MED15: variants seen among roughly 807,000 people sequenced by gnomAD.
MED15 encodes mediator of RNA polymerase II transcription subunit 15.
In MED15, 41 loss-of-function variants were observed where a neutral mutation model predicts 118.7. The ratio of observed to expected loss-of-function variants is 0.35; its 90% confidence interval spans 0.27 to 0.45. MED15 has a LOEUF of 0.45. Ranked by LOEUF, MED15 falls within the 20% of genes least tolerant of loss-of-function variation. MED15 has a pLI of 1.00. For missense variants in MED15, 740 were observed against 1,025.5 expected (o/e 0.72, Z 3.80); for synonymous variants, 436 against 413.9 (o/e 1.05, Z -0.65).
At chr22:20,565,757 C>T (rs73159120) in intron 6 of MED15, among the ~76,000 whole-genome samples, 17,180 of 152,306 alleles carry the variant, frequency 0.11, 1,287 homozygotes, top group Non-Finnish European at 0.15. Flanking sequence ...AAGCAAGCAT[C>T]GTTGCAGAGG....
At chr22:20,519,437 G>GTT (rs367839665) in intron 1 of MED15, among the ~76,000 whole-genome samples, 89 of 140,084 alleles carry the variant, frequency 6.4e-4, no homozygotes, top group Middle Eastern at 3.9e-3. Context: ...TTTTGAGGGT[G>GTT]TTTTTTTTTT....
rs550547182 is a variant in MED15 at position 20,528,136 on chromosome 22, G to A, written c.69-8981G>A. 3.9e-5 allele frequency among the ~76,000 whole-genome samples: 6 copies of A among 151,946 alleles called. No individual in the cohort carries two copies. The East Asian group carries it at 7.7e-4, about 20-fold the overall frequency. On this transcript the variant is annotated intron_variant, in intron 1 of 17. Coordinates refer to ENST00000263205, the MANE Select transcript of MED15 (RefSeq NM_001003891.3). ...ACTCTTTTCTTGTGGGGTCTTTATT[G>A]GCCATGTTATGGCGTCTGGCTGCCC...
chr22:20,541,179 C>CA (rs1209245010), intron 2 of MED15, among the ~76,000 whole-genome samples: 1 of 152,086 alleles, frequency 6.6e-6, no homozygotes. Flanking sequence ...GTGGAGCTTG[C>CA]AGTGAGCCAA....
intron 2 of MED15, among the ~76,000 whole-genome samples, chr22:20,541,751 ACAATTACCCTGCCTCAGCCTC>A (rs1601528590): frequency 6.6e-6 from 1 of 151,932 alleles, no homozygotes; most frequent in East Asian, 1.9e-4. Context: ...CCAGGTTCAA[ACAATTACCCTGCCTCAGCCTC>A]CCAAGTAGCT....
intron 1 of MED15, chr22:20,523,592 C>A: frequency 1.5e-5 from 14 of 925,130 alleles, no homozygotes; most frequent in Non-Finnish European, 1.7e-5. Flanking sequence ...CCACCAAATA[C>A]CACAGAGCCA....
intron 9 of MED15, among the ~76,000 whole-genome samples, chr22:20,576,781 G>C (rs1209620830): frequency 1.3e-5 from 2 of 152,206 alleles, no homozygotes; most frequent in African/African-American, 4.8e-5. Flanking sequence ...CCTGGAGGCT[G>C]TGAGTTCCAC....
intron 1 of MED15, among the ~76,000 whole-genome samples, chr22:20,513,464 A>G (rs1246037993): frequency 2.6e-5 from 4 of 151,850 alleles, no homozygotes; most frequent in Admixed American, 2.6e-4. Flanking sequence ...TTTTTAGTAG[A>G]GACGGGGTTT....
At chr22:20,534,562 A>G (rs772581886) in intron 1 of MED15, among the ~76,000 whole-genome samples, 1 of 152,182 alleles carries the variant, frequency 6.6e-6, no homozygotes, top group Non-Finnish European at 1.5e-5. Context: ...GGTGGGAAGA[A>G]CAAGTATGCC....
rs533181390 is a variant in MED15 at position 20,585,509 on chromosome 22, G to A, written c.2132-219G>A. On this transcript the variant is annotated intron_variant, in intron 16 of 17. Coordinates refer to ENST00000263205, the MANE Select transcript of MED15 (RefSeq NM_001003891.3). ...CACAGATGTGGCTTTGCTTGCCTGG[G>A]CCCTAGGGAGGTGGTAGGCAGGACC... 91 of 697,602 alleles carry A rather than the reference G, an allele frequency of 1.3e-4. No homozygotes were observed. The East Asian group carries it at 2.4e-3, about 18-fold the overall frequency. The allele number at this position is 697,602 out of a possible 1,614,324, so 43.2% of individuals were successfully genotyped here. A position where few individuals can be genotyped will look rare whatever the true frequency, so the allele number is the denominator to read the frequency against.
rs756437326 is a variant in MED15, at chr22:20,586,608, C to T, written c.2271C>T (p.Thr757=). Residue 757 remains threonine, a synonymous_variant, in exon 18 of 18, where the codon ACC becomes ACT. Coordinates refer to ENST00000263205, the MANE Select transcript of MED15 (RefSeq NM_001003891.3). ...PFLQSVHRCM[T]SRLLQLPDKH... Reference sequence around the variant, plus strand: ...TCCAGTCGGTGCACCGCTGCATGACCTCCAGGCTGCTGCAGCTCCCGGACA... The same window carrying T: ...TCCAGTCGGTGCACCGCTGCATGACTTCCAGGCTGCTGCAGCTCCCGGACA... 6 of 1,613,084 alleles carry T rather than the reference C, an allele frequency of 3.7e-6. No individual in the cohort carries two copies. Among genetic ancestry groups the T allele is most frequent in the Non-Finnish European group, 5.1e-6 (6 of 1,179,966 alleles).
At chr22:20,581,101 T>C (rs1191892445) in intron 9 of MED15, among the ~76,000 whole-genome samples, 2 of 152,186 alleles carry the variant, frequency 1.3e-5, no homozygotes, top group Non-Finnish European at 1.5e-5. Flanking sequence ...CCTGTTGTGG[T>C]CACGCTCTGT....
rs540480509 is a variant in MED15 at position 20,529,206 on chromosome 22, G to T, written c.69-7911G>T. On this transcript the variant is annotated intron_variant, in intron 1 of 17. Coordinates refer to ENST00000263205, the MANE Select transcript of MED15 (RefSeq NM_001003891.3). Reference sequence around the variant, plus strand: ...TTTAAGATGGAAGGGAATTAAATGTGCAGGCTTTGTTCCTCATTTCAACTT... The same window carrying T: ...TTTAAGATGGAAGGGAATTAAATGTTCAGGCTTTGTTCCTCATTTCAACTT... Among the ~76,000 whole-genome samples the T allele has an allele frequency of 1.2e-4, 19 of 152,232 alleles. No homozygotes were observed. The South Asian group carries it at 3.7e-3, about 30-fold the overall frequency.
At chr22:20,544,623 G>A (rs920334362) in intron 2 of MED15, among the ~76,000 whole-genome samples, 5 of 152,126 alleles carry the variant, frequency 3.3e-5, no homozygotes, top group Admixed American at 1.3e-4. Flanking sequence ...CCGAGATCGC[G>A]GCACTGCACA....
Position 20,553,139 on chromosome 22 carries a change from A to G in MED15, c.209-6A>G. 6.2e-7 allele frequency: 1 copy of G among 1,610,238 alleles called. No homozygotes were observed. Among genetic ancestry groups the G allele is most frequent in the Non-Finnish European group, 8.5e-7 (1 of 1,177,224 alleles). On this transcript the variant is annotated splice_region_variant and splice_polypyrimidine_tract_variant and intron_variant, in intron 3 of 17. Coordinates refer to ENST00000263205, the MANE Select transcript of MED15 (RefSeq NM_001003891.3). Reference sequence around the variant, plus strand: ...CTTTCGTTTTTTTGTTTGTGTTTTCATATAGATAACAAGAAATCTCAAGCT... The same window carrying G: ...CTTTCGTTTTTTTGTTTGTGTTTTCGTATAGATAACAAGAAATCTCAAGCT...
chr22:20,565,700 G>C (rs1193806277), intron 6 of MED15, among the ~76,000 whole-genome samples: 1 of 152,192 alleles, frequency 6.6e-6, no homozygotes, highest in Non-Finnish European at 1.5e-5. Context: ...CTGACAAGCA[G>C]ACCTTGACCG....
intron 1 of MED15, chr22:20,522,183 G>A (rs2054487607): frequency 6.6e-6 from 1 of 152,194 alleles, no homozygotes; most frequent in Non-Finnish European, 1.5e-5. Flanking sequence ...GTAAATATAT[G>A]CACTTAATTC....
intron 5 of MED15, among the ~76,000 whole-genome samples, chr22:20,561,133 GA>G (rs1033742767): frequency 1.3e-5 from 2 of 151,984 alleles, no homozygotes; most frequent in African/African-American, 4.8e-5. Flanking sequence ...AAGATCAATA[GA>G]AAAAATAGGA....
chr22:20,536,965 C>A, intron 1 of MED15, 152 bp from the exon 2 acceptor site: 1 of 598,962 alleles, frequency 1.7e-6, no homozygotes, highest in Non-Finnish European at 2.9e-6. Flanking sequence ...GTGCCCCTTC[C>A]CATATGCCTC....
At chr22:20,516,803 A>G (rs2054273132) in intron 1 of MED15, among the ~76,000 whole-genome samples, 1 of 152,202 alleles carries the variant, frequency 6.6e-6, no homozygotes, top group Non-Finnish European at 1.5e-5. Context: ...ATTTTAATGA[A>G]TTTTTAAAAA....
Sources: allele counts gnomAD v4.1 joint callset (sites outside exome capture counted in the v4.1 genomes callset), GRCh38; gene constraint gnomAD v4.1.1; transcripts MANE v1.5; gene names NCBI Gene and HGNC (gene_info 2026-07-23, HGNC 2026-07-21).